Variants in SCAPER observed in about 807,000 individuals in gnomAD.
SCAPER encodes S phase cyclin A-associated protein in the endoplasmic reticulum.
A neutral mutation model predicts 182.2 loss-of-function variants in SCAPER; 98 were observed. The ratio of observed to expected loss-of-function variants is 0.54; its 90% CI spans 0.46 to 0.64. The LOEUF (loss-of-function observed/expected upper bound fraction) is 0.64, where lower values mean the gene tolerates loss of function less well. Ranked by LOEUF, SCAPER falls within the 30% of genes least tolerant of loss-of-function variation. The pLI, the probability that SCAPER is intolerant of heterozygous loss-of-function variation, is 0.00. For synonymous variants in SCAPER, 605 were observed against 564.6 expected (o/e 1.07, Z -1.01); for missense variants, 1,432 against 1,690.0 (o/e 0.85, Z 2.68).
intron 8 of SCAPER, among the ~76,000 whole-genome samples, chr15:76,776,409 C>T (rs2063745984): frequency 3.3e-5 from 5 of 152,078 alleles, no homozygotes; most frequent in Non-Finnish European, 7.4e-5. Flanking sequence ...AGATGATACT[C>T]CAATTCCCCT....
intron 5 of SCAPER, among the ~76,000 whole-genome samples, chr15:76,830,252 C>G (rs1418109510): frequency 1.3e-5 from 2 of 152,110 alleles, no homozygotes; most frequent in Admixed American, 6.5e-5. Context: ...ATGAAGAATT[C>G]ATAGATCAAG....
chr15:76,861,188 G>C (rs1406840496), intron 3 of SCAPER, among the ~76,000 whole-genome samples: 1 of 152,062 alleles, frequency 6.6e-6, no homozygotes, highest in African/African-American at 2.4e-5. Context: ...ATCAATAGAA[G>C]CTAAAAAGTA....
At chr15:76,729,260 A>T in intron 16 of SCAPER, among the ~76,000 whole-genome samples, 1 of 143,712 alleles carries the variant, frequency 7.0e-6, no homozygotes, top group South Asian at 2.2e-4. Flanking sequence ...TATATGTTTT[A>T]TATATATATA....
intron 5 of SCAPER, among the ~76,000 whole-genome samples, chr15:76,816,000 A>G (rs2067045993): frequency 6.6e-6 from 1 of 152,242 alleles, no homozygotes; most frequent in South Asian, 2.1e-4. Flanking sequence ...AAATATTTTT[A>G]AAATGATAAA....
chr15:76,464,798 C>T (rs2049469485), intron 25 of SCAPER, among the ~76,000 whole-genome samples: 1 of 152,098 alleles, frequency 6.6e-6, no homozygotes, highest in Admixed American at 6.6e-5. Context: ...TGGTAGTTCT[C>T]TTTTTAATTT....
At chr15:76,744,899 T>C (rs192466671) in intron 15 of SCAPER, among the ~76,000 whole-genome samples, 25 of 152,204 alleles carry the variant, frequency 1.6e-4, no homozygotes, top group Non-Finnish European at 2.4e-4. Context: ...CCATCAATAG[T>C]GCCTATCGAT....
intron 26 of SCAPER, among the ~76,000 whole-genome samples, chr15:76,407,216 G>A (rs1246915461): frequency 6.6e-6 from 1 of 152,122 alleles, no homozygotes; most frequent in Non-Finnish European, 1.5e-5. Flanking sequence ...AGGCTATATG[G>A]GATAGCCTAT....
intron 1 of SCAPER, among the ~76,000 whole-genome samples, chr15:76,902,723 T>G (rs1337075875): frequency 6.6e-6 from 1 of 152,154 alleles, no homozygotes; most frequent in Non-Finnish European, 1.5e-5. Flanking sequence ...CCAAAGAAGT[T>G]GTTTATCCTT....
chr15:76,881,296 A>G (rs2073521466), intron 2 of SCAPER, among the ~76,000 whole-genome samples: 3 of 152,178 alleles, frequency 2.0e-5, no homozygotes, highest in Non-Finnish European at 2.9e-5. Flanking sequence ...GGGTTTCGCC[A>G]TGTTGGCCAA....
At position 76,635,432 on chromosome 15, in the gene SCAPER, G is replaced by C. The variant is rs143111416; in HGVS notation, c.2646-13603C>G. On this transcript the variant is annotated intron_variant, in intron 21 of 31. Transcript: ENST00000563290. Reference sequence around the variant, plus strand: ...TAGACAGTGGCCCTGGCCAGGAATTGATTTTTTTTTCCTCATGAATGTTAT... The same window carrying C: ...TAGACAGTGGCCCTGGCCAGGAATTCATTTTTTTTTCCTCATGAATGTTAT... 3.9e-5 allele frequency among the ~76,000 whole-genome samples: 6 copies of C among 152,290 alleles called. No homozygotes were observed. The East Asian group carries it at 1.2e-3, about 29-fold the overall frequency.
intron 24 of SCAPER, among the ~76,000 whole-genome samples, chr15:76,492,678 G>T (rs1291712960): frequency 6.6e-6 from 1 of 152,066 alleles, no homozygotes; most frequent in Non-Finnish European, 1.5e-5. Context: ...ATAAGTCTTG[G>T]TTAATAAGAA....
In SCAPER at chr15:76,348,610, A is replaced by G. The variant is rs1182640508; in HGVS notation, c.*23T>C. 3.5e-6 allele frequency: 5 copies of G among 1,446,968 alleles called. No homozygotes were observed. Among genetic ancestry groups the G allele is most frequent in the Non-Finnish European group, 3.8e-6 (4 of 1,066,136 alleles). 89.6% of individuals were successfully genotyped at this position (1,446,968 alleles called of 1,614,324 possible). A position where few individuals can be genotyped will look rare whatever the true frequency, so the allele number is the denominator to read the frequency against. ...ATTTAAAATATTAACAAGGGTACTC[A>G]AATACAGAATCAACCAAAACATTTA... On this transcript the variant is annotated 3_prime_UTR_variant, in exon 32 of 32. Coordinates refer to ENST00000563290, the MANE Select transcript of SCAPER (RefSeq NM_020843.4).
chr15:76,843,683 A>C (rs2069715629), intron 4 of SCAPER, among the ~76,000 whole-genome samples: 1 of 152,202 alleles, frequency 6.6e-6, no homozygotes, highest in Non-Finnish European at 1.5e-5. Context: ...CTAGACAGGC[A>C]CAGTATTATA....
chr15:76,617,469 C>T (rs2051596348), intron 22 of SCAPER, among the ~76,000 whole-genome samples: 1 of 152,198 alleles, frequency 6.6e-6, no homozygotes. Flanking sequence ...TATTTGCTCC[C>T]TGCAGTTTGA....
chr15:76,587,233 A>G (rs1314038945), intron 22 of SCAPER, among the ~76,000 whole-genome samples: 1 of 152,154 alleles, frequency 6.6e-6, no homozygotes, highest in Non-Finnish European at 1.5e-5. Context: ...CTTTTCAAAG[A>G]ATCAGCTTTT....
intron 23 of SCAPER, among the ~76,000 whole-genome samples, chr15:76,514,993 AG>A (rs771804904): frequency 2.6e-5 from 4 of 152,170 alleles, no homozygotes; most frequent in Non-Finnish European, 5.9e-5. Context: ...TTTCAGCTGT[AG>A]GCACTAACAC....
intron 21 of SCAPER, among the ~76,000 whole-genome samples, chr15:76,634,353 AG>A (rs1257622602): frequency 1.3e-5 from 2 of 152,070 alleles, no homozygotes; most frequent in African/African-American, 4.8e-5. Context: ...CTTCAATTGA[AG>A]ATGCAGAATT....
rs1435096757 is a variant in SCAPER, at chr15:76,833,483, CATG to C, written c.393+8248_393+8250del. On this transcript the variant is annotated intron_variant, in intron 5 of 31. Transcript: ENST00000563290. ...GACATAAGAATCAACCAGCTAACAA[CATG>C]ATAATAGGATTAATGCATCACATAT... is the stretch of plus-strand genomic sequence containing the variant. Among the ~76,000 whole-genome samples, 12 of 152,160 alleles carry C rather than the reference CATG, an allele frequency of 7.9e-5. 1 individual carries two copies. The highest frequency in any genetic ancestry group is 7.9e-4 in the Admixed American group (12 of 15,270).
chr15:76,818,408 C>G (rs1298211367), intron 5 of SCAPER, among the ~76,000 whole-genome samples: 2 of 152,096 alleles, frequency 1.3e-5, no homozygotes, highest in Non-Finnish European at 2.9e-5. Context: ...TTGTTAGATA[C>G]AACACCAAAG....
Sources: allele counts gnomAD v4.1 joint callset (sites outside exome capture counted in the v4.1 genomes callset), GRCh38; gene constraint gnomAD v4.1.1; transcripts MANE v1.5; gene names NCBI Gene and HGNC (gene_info 2026-07-23, HGNC 2026-07-21).